SARDH: variants seen among roughly 807,000 people sequenced by gnomAD.
The protein encoded by SARDH is sarcosine dehydrogenase.
A neutral mutation model predicts 109.1 loss-of-function variants in SARDH; 95 were observed. The ratio of observed to expected loss-of-function variants is 0.87; its 90% CI spans 0.74 to 1.03. The LOEUF (loss-of-function observed/expected upper bound fraction) is 1.03. Ranked by LOEUF, SARDH falls within the 50% of genes least tolerant of loss-of-function variation. SARDH has a pLI of 0.00. For missense variants in SARDH, 1,267 were observed against 1,287.8 expected (o/e 0.98, Z 0.25); for synonymous variants, 572 against 534.8 (o/e 1.07, Z -0.96).
At chr9:133,723,558 C>T (rs765250922) in intron 6 of SARDH, among the ~76,000 whole-genome samples, 4 of 152,122 alleles carry the variant, frequency 2.6e-5, no homozygotes, top group Non-Finnish European at 2.9e-5. Context: ...GTCAGGAGAT[C>T]GAGACCATCC....
At chr9:133,696,445 G>T (rs2427998) in intron 13 of SARDH, 84 bp from the exon 14 acceptor site, 1,299,290 of 1,578,368 alleles carry the variant, frequency 0.82, 538,753 homozygotes, top group East Asian at 0.92. Context: ...CGGGGGCTGT[G>T]TCCAACACAC....
intron 13 of SARDH, among the ~76,000 whole-genome samples, chr9:133,698,962 G>A (rs1357126998): frequency 6.6e-6 from 1 of 152,212 alleles, no homozygotes; most frequent in East Asian, 1.9e-4. Flanking sequence ...TCAAGGAAGA[G>A]AGATGACAAC....
At chr9:133,724,672 AG>A (rs1319454520) in intron 6 of SARDH, among the ~76,000 whole-genome samples, 1 of 152,232 alleles carries the variant, frequency 6.6e-6, no homozygotes, top group East Asian at 1.9e-4. Flanking sequence ...GTATAGACTG[AG>A]TATTCCTTAT....
chr9:133,671,601 C>T lies in SARDH; in HGVS notation c.2260G>A (p.Ala754Thr), dbSNP rs754356515. 69 of 1,604,886 alleles carry T rather than the reference C, an allele frequency of 4.3e-5. No homozygotes were observed. The highest frequency in any genetic ancestry group is 5.1e-5 in the Admixed American group (3 of 59,074). The stretch of plus-strand genomic sequence containing the variant: ...TTGATGAGGCCGTGCTTGGCACCCG[C>T]GGCCATCACAGCCCGGTACACAGGC... ...CVPVYRAVMAAGAKHGLINAG... is the reference protein window; with the variant it reads ...CVPVYRAVMATGAKHGLINAG... Residue 754 changes from alanine (A) to threonine (T), a missense_variant, in exon 18 of 21, where the codon GCG (alanine) becomes ACG (threonine). By Grantham distance (58) the Ala-to-Thr change is moderately conservative (BLOSUM62 0). Transcript: ENST00000439388.
intron 11 of SARDH, among the ~76,000 whole-genome samples, chr9:133,705,709 C>T (rs1831670470): frequency 6.6e-6 from 1 of 152,210 alleles, no homozygotes; most frequent in African/African-American, 2.4e-5. Flanking sequence ...CTGAGAACCC[C>T]CATCTGTAGA....
intron 2 of SARDH, among the ~76,000 whole-genome samples, chr9:133,732,805 G>A (rs1832735748): frequency 6.6e-6 from 1 of 152,170 alleles, no homozygotes; most frequent in African/African-American, 2.4e-5. Flanking sequence ...CCCGCCCTTG[G>A]GCAGCTCAGA....
At position 133,702,947 on chromosome 9, in the gene SARDH, T is replaced by C. The variant is rs1329382960; in HGVS notation, c.1637A>G (p.Tyr546Cys). 2 of 1,612,632 alleles carry C rather than the reference T, an allele frequency of 1.2e-6. No individual in the cohort carries two copies. The highest frequency in any genetic ancestry group is 1.7e-5 in the Admixed American group (1 of 60,012). Residue 546 changes from tyrosine to cysteine, a missense_variant, in exon 13 of 21, where the codon TAC (tyrosine) becomes TGC (cysteine). Transcript: ENST00000439388. ...GTGGTGGGGCGGGAAGGCGAAGGTGTACTCGTCTGCCAGCAGCCTGCGGTA... is the reference window on the plus strand; with the variant it reads ...GTGGTGGGGCGGGAAGGCGAAGGTGCACTCGTCTGCCAGCAGCCTGCGGTA... ...YAYRRLLADE[Y>C]TFAFPPHHDT...
chr9:133,710,137 C>T (rs1299295799), intron 10 of SARDH, among the ~76,000 whole-genome samples: 2 of 152,236 alleles, frequency 1.3e-5, no homozygotes, highest in Non-Finnish European at 2.9e-5. Flanking sequence ...CCTGAAAAAA[C>T]AGCCCAGCCC....
rs1489634210 is a variant in SARDH, at chr9:133,687,727, C to T, written c.2070-2441G>A. Among the ~76,000 whole-genome samples, 5 of 152,298 alleles carry T rather than the reference C, an allele frequency of 3.3e-5. No homozygotes were observed. In the East Asian group the frequency reaches 7.7e-4, roughly 23 times the overall value. Reference sequence around the variant, plus strand: ...AGTTATGGAGCATTTCCAGAAAGTTCCATGGGGCAGCAGCTCACACAGCCC... The same window carrying T: ...AGTTATGGAGCATTTCCAGAAAGTTTCATGGGGCAGCAGCTCACACAGCCC... On this transcript the variant is annotated intron_variant, in intron 16 of 20. Transcript: ENST00000439388.
chr9:133,669,322 T>A (rs1441661012), intron 19 of SARDH, among the ~76,000 whole-genome samples: 2 of 67,282 alleles, frequency 3.0e-5, no homozygotes, highest in East Asian at 7.7e-4. Flanking sequence ...TCCCTCACCC[T>A]CCCTCTCCCT....
intron 10 of SARDH, among the ~76,000 whole-genome samples, chr9:133,710,156 G>GCTCTGC (rs1157533327): frequency 3.3e-5 from 5 of 152,246 alleles, no homozygotes; most frequent in Non-Finnish European, 7.3e-5. Flanking sequence ...CCACACTCTG[G>GCTCTGC]CTCTGCCTCT....
chr9:133,717,209 G>T (rs1341314940), intron 8 of SARDH, 117 bp downstream of exon 8: 1 of 1,317,148 alleles, frequency 7.6e-7, no homozygotes, highest in Non-Finnish European at 1.1e-6. Context: ...GAGAGGGACC[G>T]GGGACAGCCC....
chr9:133,725,684 C>A (rs1396335302), intron 6 of SARDH: 4 of 253,528 alleles, frequency 1.6e-5, no homozygotes, highest in Non-Finnish European at 1.6e-5. Context: ...TCAAAAAAAA[C>A]AAAACAAAAC....
chr9:133,680,382 G>C (rs929898250), intron 17 of SARDH, among the ~76,000 whole-genome samples: 1 of 152,228 alleles, frequency 6.6e-6, no homozygotes, highest in African/African-American at 2.4e-5. Context: ...GCCCCCTACA[G>C]GGGGAGCTGG....
At position 133,712,255 on chromosome 9, in the gene SARDH, C is replaced by A. The variant is rs756681; in HGVS notation, c.1328+364G>T. ...GCCGGGGCTGCCTGGCTGCAAGCCG[C>A]GGCATACACACTCAGCACAGTTTTC... On this transcript the variant is annotated intron_variant, in intron 10 of 20. Transcript: ENST00000439388. The surrounding 1 kb of genome is among the most constrained non-coding windows in gnomAD (Gnocchi z 4.1). 6.6e-6 allele frequency among the ~76,000 whole-genome samples: 1 copy of A among 152,114 alleles called. No homozygotes were observed. Among genetic ancestry groups the A allele is most frequent in the Non-Finnish European group, 1.5e-5 (1 of 68,012 alleles).
chr9:133,713,915 G>T (rs1458884690), intron 8 of SARDH, among the ~76,000 whole-genome samples: 1 of 152,262 alleles, frequency 6.6e-6, no homozygotes, highest in South Asian at 2.1e-4. Context: ...GGGAGGCAGC[G>T]CTGAGCAGGA....
chr9:133,691,938 C>T (rs1328722400), intron 15 of SARDH, among the ~76,000 whole-genome samples: 4 of 152,154 alleles, frequency 2.6e-5, no homozygotes, highest in Non-Finnish European at 5.9e-5. Flanking sequence ...CAACCAGCAC[C>T]GCCGATCCCC....
chr9:133,717,425 CAA>C lies in SARDH; in HGVS notation c.1049_1050del (p.Phe350Ter). 6.2e-7 allele frequency: 1 copy of C among 1,614,104 alleles called. No homozygotes were observed. Among genetic ancestry groups the C allele is most frequent in the Non-Finnish European group, 8.5e-7 (1 of 1,179,992 alleles). ...TGGGTGAACACCTCCCAGTCCAGGT[CAA>C]AGAGGCCGAAGGCAAACTTGTCTGA... ...EVSDKFAFGL[F>X]DLDWEVFTQH... On this transcript the variant is annotated frameshift_variant, in exon 8 of 21. Transcript: ENST00000439388. LOFTEE classifies it high-confidence loss of function.
At chr9:133,689,489 C>T (rs1023729386) in intron 16 of SARDH, among the ~76,000 whole-genome samples, 41 of 152,112 alleles carry the variant, frequency 2.7e-4, no homozygotes, top group African/African-American at 9.4e-4. Flanking sequence ...AAAAGGGTGG[C>T]GGTGAGCGTG....
Sources: gnomAD v4.1 joint callset for allele counts (sites outside exome capture counted in the v4.1 genomes callset) on GRCh38, gnomAD v4.1.1 for gene constraint, Gnocchi (gnomAD v3.1) non-coding constraint, MANE v1.5 for transcripts, NCBI Gene and HGNC (gene_info 2026-07-23, HGNC 2026-07-21) for gene names.